The following ADCY8 variants were observed in gnomAD, a reference collection of about 807,000 sequenced individuals.
ADCY8 encodes adenylate cyclase type 8.
In ADCY8, 51 loss-of-function variants were observed where a neutral mutation model predicts 119.7. The observed-to-expected ratio is 0.43, with a 90% CI of 0.34 to 0.54. The LOEUF (loss-of-function observed/expected upper bound fraction) is 0.54, where lower values mean the gene tolerates loss of function less well. Among genes scored for constraint, ADCY8 ranks in the 20% least tolerant of loss-of-function variants. ADCY8 has a pLI of 0.03. For missense variants in ADCY8, 1,383 were observed against 1,598.8 expected, an observed-to-expected ratio of 0.87 and a Z score of 2.30; for synonymous variants, 665 against 651.0, an observed-to-expected ratio of 1.02 and a Z score of -0.33.
At chr8:130,989,997 G>A (rs1045891574) in intron 2 of ADCY8, among the ~76,000 whole-genome samples, 5 of 152,024 alleles carry the variant, frequency 3.3e-5, no homozygotes, top group African/African-American at 9.7e-5. Flanking sequence ...TCTTCCATGC[G>A]CTTACTCTAA....
At chr8:131,013,434 G>A (rs1433217427) in intron 1 of ADCY8, among the ~76,000 whole-genome samples, 3 of 152,100 alleles carry the variant, frequency 2.0e-5, no homozygotes, top group Admixed American at 6.5e-5. Context: ...AAGCTCCCGG[G>A]TTGAGCCACT....
rs372048150 is a variant in ADCY8 at position 131,003,206 on chromosome 8, T to TCTCACACACACACACA, written c.961-12665_961-12664insTGTGTGTGTGTGTGAG. ...CCTGGGCAACAAGAGTGAAACACCA[T>TCTCACACACACACACA]CACACACACACACACACACACACAC... is the stretch of plus-strand genomic sequence containing the variant. On this transcript the variant is annotated intron_variant, in intron 1 of 17. Coordinates refer to ENST00000286355, the MANE Select transcript of ADCY8 (RefSeq NM_001115.3). 5.0e-3 allele frequency among the ~76,000 whole-genome samples: 688 copies of TCTCACACACACACACA among 137,550 alleles called. 8 individuals carry two copies. The highest frequency in any genetic ancestry group is 0.016 in the African/African-American group (588 of 35,844). 90.2% of individuals were successfully genotyped at this position (137,550 alleles called of 152,430 possible). A position where few individuals can be genotyped will look rare whatever the true frequency, so the allele number is the denominator to read the frequency against.
At chr8:130,904,071 C>T (rs763532934) in intron 6 of ADCY8, 29 bp from the exon 7 acceptor site, 28 of 1,591,148 alleles carry the variant, frequency 1.8e-5, no homozygotes, top group South Asian at 6.8e-5. Flanking sequence ...GGTCATTACA[C>T]ACTCCTGATG....
At chr8:131,030,619 C>G (rs776709353) in intron 1 of ADCY8, among the ~76,000 whole-genome samples, 1 of 152,168 alleles carries the variant, frequency 6.6e-6, no homozygotes, top group Non-Finnish European at 1.5e-5. Context: ...CACAAATTCC[C>G]TACCCAAATC....
chr8:130,901,955 T>C (rs540768294), intron 7 of ADCY8, among the ~76,000 whole-genome samples: 3 of 152,166 alleles, frequency 2.0e-5, no homozygotes, highest in Non-Finnish European at 4.4e-5. Context: ...AGCAAATAAA[T>C]ATTTCAAGCA....
intron 17 of ADCY8, among the ~76,000 whole-genome samples, chr8:130,782,790 T>A (rs1486845897): frequency 1.3e-5 from 2 of 152,184 alleles, no homozygotes; most frequent in Non-Finnish European, 2.9e-5. Flanking sequence ...ATCTGACAAG[T>A]CAGATATTGG....
chr8:130,990,051 T>C (rs970852987), intron 2 of ADCY8, among the ~76,000 whole-genome samples: 1 of 152,220 alleles, frequency 6.6e-6, no homozygotes, highest in African/African-American at 2.4e-5. Context: ...ATAACACATT[T>C]ACAGTTTAAA....
intron 4 of ADCY8, among the ~76,000 whole-genome samples, chr8:130,939,699 G>GT (rs1820899969): frequency 6.6e-6 from 1 of 152,192 alleles, no homozygotes; most frequent in Admixed American, 6.5e-5. Flanking sequence ...TATGTGACAA[G>GT]TGCCAAAATA....
intron 4 of ADCY8, among the ~76,000 whole-genome samples, chr8:130,938,010 T>G (rs1283447819): frequency 1.3e-5 from 2 of 152,046 alleles, no homozygotes; most frequent in Non-Finnish European, 2.9e-5. Context: ...ATTAAGAAAA[T>G]AATGCATGCT....
chr8:131,004,136 G>A (rs1014592629), intron 1 of ADCY8, among the ~76,000 whole-genome samples: 6 of 152,144 alleles, frequency 3.9e-5, no homozygotes, highest in African/African-American at 1.4e-4. Context: ...GCAGGTGAGA[G>A]GGTGGATGTA....
chr8:130,809,635 C>A (rs550981614), intron 14 of ADCY8, among the ~76,000 whole-genome samples: 1 of 152,290 alleles, frequency 6.6e-6, no homozygotes, highest in African/African-American at 2.4e-5. Context: ...GTTGAAGAAA[C>A]TGAGGCTCAG....
chr8:130,924,871 A>C (rs191478395), intron 5 of ADCY8, among the ~76,000 whole-genome samples: 1 of 152,266 alleles, frequency 6.6e-6, no homozygotes, highest in East Asian at 1.9e-4. Context: ...GAGCCAATAC[A>C]TGCAAGACAT....
intron 15 of ADCY8, among the ~76,000 whole-genome samples, chr8:130,789,704 A>T (rs1453781110): frequency 6.6e-6 from 1 of 152,224 alleles, no homozygotes; most frequent in Non-Finnish European, 1.5e-5. Context: ...CCAGCTAAGA[A>T]GAGTCAGAAC....
At chr8:130,821,788 C>A (rs937810471) in intron 12 of ADCY8, among the ~76,000 whole-genome samples, 5 of 152,136 alleles carry the variant, frequency 3.3e-5, no homozygotes, top group South Asian at 4.1e-4. Context: ...GCTAAAAAAA[C>A]CTTCCCAGCT....
At chr8:130,869,989 C>CTCCTCCTCTCCTCT (rs1818289725) in intron 8 of ADCY8, among the ~76,000 whole-genome samples, 1 of 146,720 alleles carries the variant, frequency 6.8e-6, no homozygotes, top group Non-Finnish European at 1.5e-5. Flanking sequence ...CCTCCTCCTC[C>CTCCTCCTCTCCTCT]TCCTCTCCTC....
At chr8:130,891,001 C>T (rs1001803078) in intron 7 of ADCY8, among the ~76,000 whole-genome samples, 1 of 152,150 alleles carries the variant, frequency 6.6e-6, no homozygotes, top group South Asian at 2.1e-4. Context: ...CACAGCTGTG[C>T]AGCTTCTGTC....
At chr8:130,808,347 G>A (rs1816043866) in intron 14 of ADCY8, among the ~76,000 whole-genome samples, 1 of 152,078 alleles carries the variant, frequency 6.6e-6, no homozygotes, top group Non-Finnish European at 1.5e-5. Context: ...GCTGTGACTG[G>A]GAAGGAGTAG....
intron 2 of ADCY8, among the ~76,000 whole-genome samples, chr8:130,985,102 C>T (rs1822358329): frequency 6.6e-6 from 1 of 152,052 alleles, no homozygotes; most frequent in Non-Finnish European, 1.5e-5. Context: ...AAATCAAGTT[C>T]CCCCTAGTAA....
At position 130,937,207 on chromosome 8, in the gene ADCY8, G is replaced by A. The variant is rs2130624862; in HGVS notation, c.1354-7C>T. 2 of 1,612,722 alleles carry A rather than the reference G, an allele frequency of 1.2e-6. No homozygotes were observed. Among genetic ancestry groups the A allele is most frequent in the African/African-American group, 1.3e-5 (1 of 74,992 alleles). On this transcript the variant is annotated splice_region_variant and splice_polypyrimidine_tract_variant and intron_variant, in intron 4 of 17. Transcript: ENST00000286355. Reference sequence around the variant, plus strand: ...TACGAAGGCAGTGATGCTCCTGGAAGGAACAGGATAAGAGGGAAAGGTCTA... The same window carrying A: ...TACGAAGGCAGTGATGCTCCTGGAAAGAACAGGATAAGAGGGAAAGGTCTA...
Sources: gnomAD v4.1 joint callset for allele counts (sites outside exome capture counted in the v4.1 genomes callset) on GRCh38, gnomAD v4.1.1 for gene constraint, MANE v1.5 for transcripts, NCBI Gene and HGNC (gene_info 2026-07-23, HGNC 2026-07-21) for gene names.